Variants in EXOC3L4 observed in about 807,000 individuals in gnomAD.
EXOC3L4 encodes the protein exocyst complex component 3-like protein 4.
A neutral mutation model predicts 69.7 loss-of-function variants in EXOC3L4; 62 were observed. That is an observed-to-expected ratio of 0.89 (90% CI 0.72 to 1.10). The LOEUF (loss-of-function observed/expected upper bound fraction) is 1.10. Among genes scored for constraint, EXOC3L4 ranks in the 50% least tolerant of loss-of-function variants. The pLI is 0.00. For synonymous variants in EXOC3L4, 502 were observed against 464.2 expected (o/e 1.08, Z -1.05); for missense variants, 1,087 against 1,034.8 (o/e 1.05, Z -0.69).
At chr14:103,107,885 T>G in intron 10 of EXOC3L4, 102 bp downstream of exon 10, 1 of 1,401,588 alleles carries the variant, frequency 7.1e-7, no homozygotes, top group Non-Finnish European at 9.4e-7. Flanking sequence ...GGAGTGGTTC[T>G]CCCCACTCTG....
intron 1 of EXOC3L4, among the ~76,000 whole-genome samples, chr14:103,096,931 G>T (rs1292045985): frequency 6.6e-6 from 1 of 152,196 alleles, no homozygotes; most frequent in African/African-American, 2.4e-5. Flanking sequence ...GCCCCGCACA[G>T]GGCTTCGGCC....
At chr14:103,108,631 G>C (rs41301467) in intron 11 of EXOC3L4, 114 bp downstream of exon 11, 71,235 of 1,422,668 alleles carry the variant, frequency 0.05, 2,085 homozygotes, top group Non-Finnish European at 0.058. Flanking sequence ...AAGACCAGAG[G>C]CAGGAGGTAG....
At chr14:103,098,524 C>A (rs987235896) in intron 1 of EXOC3L4, 1 of 152,264 alleles carries the variant, frequency 6.6e-6, no homozygotes, top group African/African-American at 2.4e-5. Context: ...GAGCTGGGCA[C>A]ACAGTAGGTG....
At chr14:103,096,480 G>A (rs1889892990) in intron 1 of EXOC3L4, among the ~76,000 whole-genome samples, 1 of 148,938 alleles carries the variant, frequency 6.7e-6, no homozygotes, top group Non-Finnish European at 1.5e-5. Context: ...AAAGAGGGTA[G>A]CTGTTGCCAG....
intron 11 of EXOC3L4, among the ~76,000 whole-genome samples, chr14:103,108,730 A>G (rs1890728032): frequency 6.6e-6 from 1 of 151,898 alleles, no homozygotes; most frequent in African/African-American, 2.4e-5. Flanking sequence ...CATCAGCCCC[A>G]CCAGGGGTGG....
chr14:103,099,290 C>T (rs772967358), intron 1 of EXOC3L4, among the ~76,000 whole-genome samples: 2 of 152,152 alleles, frequency 1.3e-5, no homozygotes, highest in Non-Finnish European at 2.9e-5. Flanking sequence ...AAACACAGCT[C>T]CTAACGCTGG....
At chr14:103,103,018 A>G (rs1459284145) in intron 3 of EXOC3L4, among the ~76,000 whole-genome samples, 1 of 152,194 alleles carries the variant, frequency 6.6e-6, no homozygotes. Flanking sequence ...GGAGGTTCCC[A>G]TGGGAGCAGG....
chr14:103,099,973 TC>T (rs1954964198), intron 1 of EXOC3L4, among the ~76,000 whole-genome samples: 1 of 152,162 alleles, frequency 6.6e-6, no homozygotes, highest in South Asian at 2.1e-4. Context: ...GGGGATGGTC[TC>T]AGGAAAGGCT....
chr14:103,102,858 A>C, intron 3 of EXOC3L4, 86 bp downstream of exon 3: 3 of 1,228,558 alleles, frequency 2.4e-6, no homozygotes, highest in Non-Finnish European at 3.1e-6. Context: ...GGAGCACCGG[A>C]CCTTTCTTCT....
In EXOC3L4 at chr14:103,110,127, G is replaced by A. The variant is rs374588599; in HGVS notation, c.2073G>A (p.Ala691=). 1.5e-5 allele frequency: 23 copies of A among 1,556,320 alleles called. No individual in the cohort carries two copies. In the Admixed American group the frequency reaches 2.2e-4, roughly 15 times the overall value. Residue 691 remains alanine, a synonymous_variant, in exon 12 of 12, where the codon GCG becomes GCA. Coordinates refer to ENST00000688303, the MANE Select transcript of EXOC3L4 (RefSeq NM_001077594.2). Reference sequence around the variant, plus strand: ...ACACTCAAGACCTGCTGAGAGCTGCGGCCGGGGCGGCGGGTGCGGAGGCCC... The same window carrying A: ...ACACTCAAGACCTGCTGAGAGCTGCAGCCGGGGCGGCGGGTGCGGAGGCCC... ...LQHTQDLLRA[A]AGAAGAEAPR... is the part of the protein sequence containing the mutation.
At chr14:103,100,005 A>G (rs938339177) in intron 1 of EXOC3L4, 199 bp from the exon 2 acceptor site, 2 of 565,096 alleles carry the variant, frequency 3.5e-6, no homozygotes, top group African/African-American at 1.9e-5. Context: ...GCAGCTGTCT[A>G]TATCTCCGTG....
At chr14:103,104,244 C>A (rs1354724765) in intron 4 of EXOC3L4, 23 bp from the exon 5 acceptor site, 4 of 1,556,378 alleles carry the variant, frequency 2.6e-6, no homozygotes, top group Admixed American at 3.7e-5. Flanking sequence ...GGTCTCACCA[C>A]GGCCCATCCC....
chr14:103,100,451 C>A lies in EXOC3L4; in HGVS notation c.232C>A (p.Arg78=). ...CAAGGAAGATACGGGCCTGTTCCGGCGAAGCTCCTGCTCCCTGTTCCGGTC... is the reference window on the plus strand; with the variant it reads ...CAAGGAAGATACGGGCCTGTTCCGGAGAAGCTCCTGCTCCCTGTTCCGGTC... ...VSKEDTGLFR[R]SSCSLFRSFR... Residue 78 remains arginine (R), a synonymous_variant, in exon 2 of 12, where the codon CGA becomes AGA. Transcript: ENST00000688303. The A allele has an allele frequency of 6.2e-7, 1 of 1,613,354 alleles. No individual in the cohort carries two copies. Among genetic ancestry groups the A allele is most frequent in the Non-Finnish European group, 8.5e-7 (1 of 1,179,928 alleles).
In EXOC3L4 at chr14:103,104,039, C is replaced by G; in HGVS notation, c.1148C>G (p.Thr383Ser). ...DVWARLESDY[T>S]SFLEAKIASC... ...TGGGCCCGACTGGAGAGCGACTACA[C>G]CAGCTTCCTGGAGGTCAGGCCGGGC... Residue 383 changes from threonine to serine, a missense_variant, in exon 4 of 12, where the codon ACC becomes AGC. Transcript: ENST00000688303. 6.4e-7 allele frequency: 1 copy of G among 1,574,412 alleles called. No individual in the cohort carries two copies. The highest frequency in any genetic ancestry group is 8.6e-7 in the Non-Finnish European group (1 of 1,164,496).
chr14:103,099,884 T>C (rs1254460082), intron 1 of EXOC3L4, among the ~76,000 whole-genome samples: 1 of 152,172 alleles, frequency 6.6e-6, no homozygotes, highest in African/African-American at 2.4e-5. Flanking sequence ...TGCATGTCAG[T>C]GCCCTCCTCC....
intron 6 of EXOC3L4, 35 bp downstream of exon 6, chr14:103,104,873 C>T (rs1890445936): frequency 6.6e-7 from 1 of 1,524,692 alleles, no homozygotes; most frequent in Non-Finnish European, 8.9e-7. Flanking sequence ...AGCGACCTGG[C>T]CGGGTGCGCT....
chr14:103,100,498 C>G lies in EXOC3L4; in HGVS notation c.279C>G (p.Asp93Glu), dbSNP rs2297066. The G allele has an allele frequency of 0.24, 383,167 of 1,612,520 alleles. 46,133 individuals are homozygous for G. Among genetic ancestry groups the G allele is most frequent in the South Asian group, 0.26 (24,085 of 90,934 alleles). ...LFRSFRQALN[D>E]GPATGHSQAT... ...GGTCCTTCCGGCAAGCCCTGAATGA[C>G]GGCCCAGCTACCGGCCATTCCCAGG... is the stretch of plus-strand genomic sequence containing the variant. Residue 93 changes from aspartate (D) to glutamate (E), a missense_variant, in exon 2 of 12, where the codon GAC becomes GAG. Transcript: ENST00000688303.
rs1890262442 is a variant in EXOC3L4 at position 103,102,558 on chromosome 14, C to T, written c.835C>T (p.Leu279=). The T allele has an allele frequency of 1.4e-6, 2 of 1,438,370 alleles. No homozygotes were observed. The highest frequency in any genetic ancestry group is 1.5e-5 in the African/African-American group (1 of 67,308). The allele number at this position is 1,438,370 out of a possible 1,614,324, so 89.1% of individuals were successfully genotyped here. A position where few individuals can be genotyped will look rare whatever the true frequency, so the allele number is the denominator to read the frequency against. Residue 279 remains leucine, a synonymous_variant, in exon 3 of 12, where the codon CTG becomes TTG. Coordinates refer to ENST00000688303, the MANE Select transcript of EXOC3L4 (RefSeq NM_001077594.2). The stretch of plus-strand genomic sequence containing the variant: ...GGGCGCGTCGGGTTTGGCCCAGCTT[C>T]TGGCCGAGCTGGGTGGCTTGGTTCG... ...AEGASGLAQL[L]AELGGLVRRD...
intron 6 of EXOC3L4, 56 bp from the exon 7 acceptor site, chr14:103,104,936 C>T: frequency 1.9e-6 from 3 of 1,582,918 alleles, no homozygotes; most frequent in Non-Finnish European, 2.6e-6. Context: ...AGGGTGGACC[C>T]AGGGTCATCG....
Sources: gnomAD v4.1 joint callset for allele counts (sites outside exome capture counted in the v4.1 genomes callset) on GRCh38, gnomAD v4.1.1 for gene constraint, MANE v1.5 for transcripts, NCBI Gene and HGNC (gene_info 2026-07-23, HGNC 2026-07-21) for gene names.